HMCN2: variants seen among roughly 807,000 people sequenced by gnomAD.
HMCN2 encodes the protein hemicentin 2.
Under a neutral mutation model 377.5 loss-of-function variants are expected in HMCN2, and 325 were observed. The ratio of observed to expected loss-of-function variants is 0.86; its 90% CI spans 0.79 to 0.94. The LOEUF (loss-of-function observed/expected upper bound fraction) is 0.94, where lower values mean the gene tolerates loss of function less well. Among genes scored for constraint, HMCN2 ranks in the 40% least tolerant of loss-of-function variants. HMCN2 has a pLI of 0.00. For missense variants in HMCN2, 4,543 were observed against 4,725.3 expected (o/e 0.96, Z 1.13); for synonymous variants, 2,007 against 2,046.8 (o/e 0.98, Z 0.53).
chr9:130,387,361 A>AG (rs34217235), intron 61 of HMCN2, among the ~76,000 whole-genome samples: 8,556 of 152,292 alleles, frequency 0.056, 608 homozygotes, highest in East Asian at 0.29. Flanking sequence ...GCTGGTGGGT[A>AG]GCTCGGCTCC....
chr9:130,332,406 G>A (rs1189822581), intron 22 of HMCN2, among the ~76,000 whole-genome samples: 1 of 152,206 alleles, frequency 6.6e-6, no homozygotes, highest in Non-Finnish European at 1.5e-5. Context: ...CTTCTCCTCT[G>A]CAAAAGGGGG....
At chr9:130,312,619 TGTCTCTCTCTTTCTTTCCCTTC>T (rs1837331439) in intron 15 of HMCN2, among the ~76,000 whole-genome samples, 1 of 132,748 alleles carries the variant, frequency 7.5e-6, no homozygotes. Context: ...TTTCTTTCTC[TGTCTCTCTCTTTCTTTCCCTTC>T]CTCCCTCCCT....
At chr9:130,323,419 C>T (rs1184228145) in intron 19 of HMCN2, among the ~76,000 whole-genome samples, 1 of 152,218 alleles carries the variant, frequency 6.6e-6, no homozygotes, top group Non-Finnish European at 1.5e-5. Flanking sequence ...GGGTGTGACA[C>T]CTGTTTTTAA....
intron 8 of HMCN2, among the ~76,000 whole-genome samples, chr9:130,301,833 GA>G (rs1451973961): frequency 3.9e-5 from 6 of 152,248 alleles, no homozygotes; most frequent in Non-Finnish European, 7.3e-5. Flanking sequence ...ACCCAGCTCT[GA>G]TGGGCCATGG....
At chr9:130,349,784 A>G in intron 29 of HMCN2, 121 bp downstream of exon 29, 1 of 1,025,500 alleles carries the variant, frequency 9.8e-7, no homozygotes, top group Admixed American at 3.1e-5. Context: ...TGTGCCACCC[A>G]GGGCCCAGAC....
chr9:130,403,150 G>GTTCC, intron 78 of HMCN2, 44 bp from the exon 79 acceptor site: 1 of 1,273,482 alleles, frequency 7.9e-7, no homozygotes, highest in South Asian at 1.3e-5. Flanking sequence ...GAGGAGTTGT[G>GTTCC]TTAAGGACAT....
At chr9:130,364,212 A>T (rs1434044751) in intron 40 of HMCN2, among the ~76,000 whole-genome samples, 1 of 152,118 alleles carries the variant, frequency 6.6e-6, no homozygotes, top group Non-Finnish European at 1.5e-5. Flanking sequence ...AGACGAGGAG[A>T]CTGAGGCCCA....
chr9:130,280,418 C>T (rs868909247), intron 1 of HMCN2, among the ~76,000 whole-genome samples: 4 of 151,492 alleles, frequency 2.6e-5, no homozygotes, highest in South Asian at 2.1e-4. Context: ...GTGATCCTCC[C>T]GCCTCGGCCT....
chr9:130,407,613 C>T lies in HMCN2; in HGVS notation c.12596C>T (p.Ala4199Val). 1 of 1,288,608 alleles carries T rather than the reference C, an allele frequency of 7.8e-7. No individual in the cohort carries two copies. Among genetic ancestry groups the T allele is most frequent in the Non-Finnish European group, 1.0e-6 (1 of 988,120 alleles). 79.8% of individuals were successfully genotyped at this position (1,288,608 alleles called of 1,614,324 possible). ...GATGGAGGCAGCACGCTGCAGCGGG[C>T]CGCTGTCTCCAGAGAAGACAGCGGG... ...EQDGGSTLQR[A>V]AVSREDSGTY... Residue 4199 changes from alanine (A) to valine (V), a missense_variant, in exon 83 of 98, where the codon GCC (alanine) becomes GTC (valine). Physicochemically the swap from Ala to Val is moderately conservative, Grantham distance 64. Transcript: ENST00000683500.
intron 45 of HMCN2, among the ~76,000 whole-genome samples, chr9:130,370,228 G>A (rs912795880): frequency 6.6e-6 from 1 of 152,172 alleles, no homozygotes; most frequent in Admixed American, 6.5e-5. Flanking sequence ...GTTGGGGCAG[G>A]TCAGGGCAAC....
chr9:130,430,343 G>A lies in HMCN2; in HGVS notation c.14386G>A (p.Gly4796Ser), dbSNP rs773847414. ...CGCCTACCAGTGCCACAACCTCCAGGGCAGCTACCGCTGCCTGTGCCCCCC... is the reference window on the plus strand; with the variant it reads ...CGCCTACCAGTGCCACAACCTCCAGAGCAGCTACCGCTGCCTGTGCCCCCC... ...ACAYQCHNLQ[G>S]SYRCLCPPGQ... Residue 4796 changes from glycine (G) to serine (S), a missense_variant, in exon 95 of 98, where the codon GGC (glycine) becomes AGC (serine). Physicochemically the swap from Gly to Ser is moderately conservative, Grantham distance 56. This residue lies in a region of HMCN2 where 1,155 missense variants were observed against 1,157.7 expected (regional missense o/e 1.00). Transcript: ENST00000683500. The A allele has an allele frequency of 2.9e-4, 455 of 1,547,930 alleles. No individual in the cohort carries two copies. The highest frequency in any genetic ancestry group is 3.8e-4 in the Non-Finnish European group (439 of 1,146,908).
Position 130,408,952 on chromosome 9 carries a change from C to A in HMCN2, c.12879+19C>A. The A allele has an allele frequency of 7.8e-7, 1 of 1,282,886 alleles. No homozygotes were observed. The highest frequency in any genetic ancestry group is 1.0e-6 in the Non-Finnish European group (1 of 984,796). The allele number at this position is 1,282,886 out of a possible 1,614,324, so 79.5% of individuals were successfully genotyped here. A position where few individuals can be genotyped will look rare whatever the true frequency, so the allele number is the denominator to read the frequency against. On this transcript the variant is annotated intron_variant, in intron 84 of 97. Transcript: ENST00000683500. ...GACTGAGGCAAGGCGGGGCCTGGCACCTTGGGTGGGGCCACTGAGGACAAC... is the reference window on the plus strand; with the variant it reads ...GACTGAGGCAAGGCGGGGCCTGGCAACTTGGGTGGGGCCACTGAGGACAAC...
intron 90 of HMCN2, among the ~76,000 whole-genome samples, chr9:130,426,705 A>G (rs188587165): frequency 3.3e-5 from 5 of 152,222 alleles, no homozygotes; most frequent in Admixed American, 3.3e-4. Flanking sequence ...ACAGCTTTGA[A>G]TGCGGCCCAA....
At chr9:130,314,051 A>G (rs1837414230) in intron 15 of HMCN2, among the ~76,000 whole-genome samples, 1 of 152,162 alleles carries the variant, frequency 6.6e-6, no homozygotes, top group Non-Finnish European at 1.5e-5. Flanking sequence ...AAGTGCTGGG[A>G]TTACAGGCAT....
rs1452824948 is a variant in HMCN2 at position 130,425,765 on chromosome 9, C to T, written c.13720C>T (p.Leu4574Phe). 2 of 1,550,478 alleles carry T rather than the reference C, an allele frequency of 1.3e-6. No homozygotes were observed. The highest frequency in any genetic ancestry group is 2.4e-5 in the East Asian group (1 of 40,898). ...CACACAGCGCTTCTTCCAGGGCGGC[C>T]TCCCCTCGTTCCTACGCTGCAACCA... The part of the protein sequence containing the change: ...GSTQRFFQGG[L>F]PSFLRCNHSI... Residue 4574 changes from leucine to phenylalanine, a missense_variant, in exon 90 of 98, where the codon CTC (leucine) becomes TTC (phenylalanine). Leu to Phe is a conservative substitution (Grantham distance 22). Coordinates refer to ENST00000683500, the MANE Select transcript of HMCN2 (RefSeq NM_001291815.2).
intron 49 of HMCN2, 97 bp from the exon 50 acceptor site, chr9:130,375,466 G>A: frequency 1.6e-6 from 1 of 631,962 alleles, no homozygotes; most frequent in Non-Finnish European, 2.0e-6. Flanking sequence ...ACTGACAGAA[G>A]TACCGAGGCC....
chr9:130,275,494 G>A (rs963844898), intron 1 of HMCN2, among the ~76,000 whole-genome samples: 1 of 152,138 alleles, frequency 6.6e-6, no homozygotes. Context: ...CTGTCACCTA[G>A]GCTGGAGTGC....
chr9:130,375,102 C>A (rs1237382691), intron 49 of HMCN2, among the ~76,000 whole-genome samples: 4 of 152,174 alleles, frequency 2.6e-5, no homozygotes, highest in Non-Finnish European at 5.9e-5. Flanking sequence ...GGGGCACAGA[C>A]CAGCTTAGAA....
At chr9:130,412,537 TTTTTCTTTTC>T (rs796065683) in intron 85 of HMCN2, among the ~76,000 whole-genome samples, 2 of 150,966 alleles carry the variant, frequency 1.3e-5, no homozygotes, top group African/African-American at 4.9e-5. Context: ...TAAGGTCGTC[TTTTTCTTTTC>T]TTTTCTTTTC....
Sources: gnomAD v4.1 joint callset for allele counts (sites outside exome capture counted in the v4.1 genomes callset) on GRCh38, gnomAD v4.1.1 for gene constraint, gnomAD v4.1.1 regional missense constraint, MANE v1.5 for transcripts, NCBI Gene and HGNC (gene_info 2026-07-23, HGNC 2026-07-21) for gene names.